The following HNF4A variants were observed in gnomAD, a reference collection of about 807,000 sequenced individuals.
HNF4A encodes the protein hepatocyte nuclear factor 4-alpha.
In HNF4A, 15 loss-of-function variants were observed where a neutral mutation model predicts 52.4. That is an observed-to-expected ratio of 0.29 (90% CI 0.19 to 0.44). The LOEUF (loss-of-function observed/expected upper bound fraction) is 0.44. Among genes scored for constraint, HNF4A ranks in the 20% least tolerant of loss-of-function variants. The probability of loss-of-function intolerance (pLI) is 1.00; values close to 1 mark genes in which losing one functional copy is unlikely to be tolerated. For synonymous variants in HNF4A, 280 were observed against 264.4 expected (o/e 1.06, Z -0.57); for missense variants, 479 against 647.2 (o/e 0.74, Z 2.82).
Position 44,355,886 on chromosome 20 carries a change from G to A in HNF4A, c.49+33G>A, listed in dbSNP as rs1299175537. 4 of 1,589,206 alleles carry A rather than the reference G, an allele frequency of 2.5e-6. No homozygotes were observed. The African/African-American group carries it at 4.0e-5, about 16-fold the overall frequency. ...GGGCTGGGGGAAGACTGGACAGGGC[G>A]GGACTGCGGTCAGCTTTGGGAGGCC... On this transcript the variant is annotated intron_variant, in intron 1 of 9. Transcript: ENST00000316673.
chr20:44,364,587 A>G (rs1157510709), intron 1 of HNF4A, among the ~76,000 whole-genome samples: 1 of 151,534 alleles, frequency 6.6e-6, no homozygotes, highest in African/African-American at 2.4e-5. Context: ...TCTCTGCCTC[A>G]GCTTCCTGAG....
intron 1 of HNF4A, 32 bp downstream of exon 1, chr20:44,355,885 C>T (rs1214211090): frequency 6.3e-7 from 1 of 1,587,284 alleles, no homozygotes; most frequent in Non-Finnish European, 8.6e-7. Context: ...CTGGACAGGG[C>T]GGGACTGCGG....
intron 1 of HNF4A, among the ~76,000 whole-genome samples, chr20:44,360,688 C>G (rs747605412): frequency 1.1e-4 from 16 of 152,146 alleles, no homozygotes; most frequent in African/African-American, 3.9e-4. Flanking sequence ...CAGGGCAATA[C>G]TGTATATCTG....
chr20:44,403,944 CG>C (rs1298611813), intron 1 of HNF4A, among the ~76,000 whole-genome samples: 1 of 152,124 alleles, frequency 6.6e-6, no homozygotes, highest in Non-Finnish European at 1.5e-5. Flanking sequence ...CAGCTCTCCC[CG>C]GGGGTCGGGG....
chr20:44,414,654 G>A lies in HNF4A; in HGVS notation c.640G>A (p.Asp214Asn). 6.2e-7 allele frequency: 1 copy of A among 1,605,974 alleles called. No homozygotes were observed. The highest frequency in any genetic ancestry group is 8.5e-7 in the Non-Finnish European group (1 of 1,176,144). Reference sequence around the variant, plus strand: ...CCCAGCTTTCTGCGAGCTCCCCCTGGACGACCAGGTGAGGATGGGCGTGGA... The same window carrying A: ...CCCAGCTTTCTGCGAGCTCCCCCTGAACGACCAGGTGAGGATGGGCGTGGA... Residue 214 changes from aspartate to asparagine, a missense_variant, in exon 5 of 10, where the codon GAC becomes AAC. Transcript: ENST00000316099.
chr20:44,364,495 G>T (rs1231288414), intron 1 of HNF4A, among the ~76,000 whole-genome samples: 2 of 151,526 alleles, frequency 1.3e-5, no homozygotes, highest in African/African-American at 2.4e-5. Context: ...TTTCTAGATG[G>T]AGTCTTGCTC....
chr20:44,374,194 A>G (rs1946731065), intron 1 of HNF4A, among the ~76,000 whole-genome samples: 2 of 152,128 alleles, frequency 1.3e-5, no homozygotes, highest in Non-Finnish European at 2.9e-5. Flanking sequence ...ACGTGTACCC[A>G]ATGTTTAGCT....
intron 7 of HNF4A, among the ~76,000 whole-genome samples, chr20:44,422,380 C>T (rs916644426): frequency 3.9e-5 from 6 of 152,160 alleles, no homozygotes; most frequent in East Asian, 3.9e-4. Flanking sequence ...CAAGGCCTGG[C>T]ATGCAGGAGG....
intron 3 of HNF4A, among the ~76,000 whole-genome samples, chr20:44,409,568 T>C (rs6017340): frequency 0.48 from 73,242 of 152,012 alleles, 18,067 homozygotes; most frequent in East Asian, 0.82. Flanking sequence ...GCAGCCCTCC[T>C]GAGTGGATGG....
intron 9 of HNF4A, among the ~76,000 whole-genome samples, chr20:44,428,840 G>T (rs3818247): frequency 0.41 from 62,092 of 151,936 alleles, 13,121 homozygotes; most frequent in East Asian, 0.65. Flanking sequence ...TAGACAATTA[G>T]ATGAGACTAC....
chr20:44,364,575 A>G (rs2062952107), intron 1 of HNF4A, among the ~76,000 whole-genome samples: 2 of 151,852 alleles, frequency 1.3e-5, no homozygotes, highest in African/African-American at 4.8e-5. Context: ...GGTTCAAGCA[A>G]TTCTCTGCCT....
intron 1 of HNF4A, among the ~76,000 whole-genome samples, chr20:44,405,546 A>G (rs1429205129): frequency 6.6e-6 from 1 of 152,056 alleles, no homozygotes; most frequent in Non-Finnish European, 1.5e-5. Flanking sequence ...AGATGTGTCC[A>G]GACCCTCCTA....
At chr20:44,390,471 A>G (rs1289292010) in intron 1 of HNF4A, 1 of 600,446 alleles carries the variant, frequency 1.7e-6, no homozygotes, top group South Asian at 1.9e-5. Flanking sequence ...TGCAGTTTCC[A>G]TGGAGACCGC....
At chr20:44,361,784 A>AG (rs1316593451) in intron 1 of HNF4A, among the ~76,000 whole-genome samples, 2 of 152,218 alleles carry the variant, frequency 1.3e-5, no homozygotes, top group Non-Finnish European at 2.9e-5. Flanking sequence ...ACAAGCCAGC[A>AG]GCAACCAAAG....
At chr20:44,378,042 C>A (rs1239217542) in intron 1 of HNF4A, among the ~76,000 whole-genome samples, 1 of 152,190 alleles carries the variant, frequency 6.6e-6, no homozygotes, top group Non-Finnish European at 1.5e-5. Context: ...TGCTCTACAA[C>A]CTCATCAGCA....
chr20:44,412,449 A>G (rs1600720360), intron 3 of HNF4A, among the ~76,000 whole-genome samples: 1 of 152,150 alleles, frequency 6.6e-6, no homozygotes, highest in South Asian at 2.1e-4. Flanking sequence ...ACAGCAGCCT[A>G]CAAGCGTGCG....
intron 1 of HNF4A, among the ~76,000 whole-genome samples, chr20:44,373,908 T>G (rs1052554243): frequency 6.6e-6 from 1 of 152,092 alleles, no homozygotes; most frequent in South Asian, 2.1e-4. Context: ...CAGCCTGATC[T>G]CGAACTCCTG....
intron 1 of HNF4A, among the ~76,000 whole-genome samples, chr20:44,360,507 T>G (rs2062905422): frequency 6.6e-6 from 1 of 151,744 alleles, no homozygotes; most frequent in Admixed American, 6.6e-5. Flanking sequence ...GATAGATGGG[T>G]AGGTGGTTAG....
chr20:44,361,725 A>C lies in HNF4A; in HGVS notation c.49+5872A>C, dbSNP rs111474848. Among the ~76,000 whole-genome samples the C allele has an allele frequency of 6.9e-3, 1,046 of 152,114 alleles. 21 individuals are homozygous for C. The highest frequency in any genetic ancestry group is 0.024 in the African/African-American group (1,010 of 41,520). ...AAACCAAAAAAAAACAACAAAAAAA[A>C]CAACTTTGCTTCAGATCTTAAACTG... On this transcript the variant is annotated intron_variant, in intron 1 of 9. Coordinates refer to the HNF4A transcript ENST00000316673.
Sources: gnomAD v4.1 joint callset for allele counts (sites outside exome capture counted in the v4.1 genomes callset) on GRCh38, gnomAD v4.1.1 for gene constraint, MANE v1.5 for transcripts, NCBI Gene and HGNC (gene_info 2026-07-23, HGNC 2026-07-21) for gene names.